Variants in RAP1GAP observed in about 807,000 individuals in gnomAD.
The protein encoded by RAP1GAP is rap1 GTPase-activating protein 1.
In RAP1GAP, 35 loss-of-function variants were observed where a neutral mutation model predicts 87.2. That is an observed-to-expected ratio of 0.40 (90% CI 0.31 to 0.53). The LOEUF is 0.53. Ranked by LOEUF, RAP1GAP falls within the 20% of genes least tolerant of loss-of-function variation. The pLI is 0.48. For missense variants in RAP1GAP, 734 were observed against 898.9 expected, an observed-to-expected ratio of 0.82 and a Z score of 2.35; for synonymous variants, 375 against 363.9, an observed-to-expected ratio of 1.03 and a Z score of -0.35.
chr1:21,602,888 G>T lies in RAP1GAP; in HGVS notation c.1454C>A (p.Pro485His). Residue 485 changes from proline (P) to histidine (H), a missense_variant, in exon 19 of 25, where the codon CCC becomes CAC. Physicochemically the swap from Pro to His is moderately conservative, Grantham distance 77 (BLOSUM62 -2). Coordinates refer to ENST00000374765, the MANE Select transcript of RAP1GAP (RefSeq NM_002885.4). ...GAACGGGCCCGACTTCTTCCTCGTGGGGCTCTTCCCAGGGACAATCAGTGA... is the reference window on the plus strand; with the variant it reads ...GAACGGGCCCGACTTCTTCCTCGTGTGGCTCTTCCCAGGGACAATCAGTGA... ...GISLIVPGKS[P>H]TRKKSGPFGS... is the part of the protein sequence containing the mutation. 6.2e-7 allele frequency: 1 copy of T among 1,610,352 alleles called. No homozygotes were observed.
At chr1:21,632,587 G>C (rs1336523556) in intron 2 of RAP1GAP, among the ~76,000 whole-genome samples, 2 of 152,196 alleles carry the variant, frequency 1.3e-5, no homozygotes, top group African/African-American at 2.4e-5. Flanking sequence ...GATCTCAAGA[G>C]AGTTCCATAC....
chr1:21,613,015 G>T lies in RAP1GAP; in HGVS notation c.528+161C>A. The T allele has an allele frequency of 1.3e-6, 1 of 772,368 alleles. No individual in the cohort carries two copies. Among genetic ancestry groups the T allele is most frequent in the Non-Finnish European group, 2.2e-6 (1 of 455,178 alleles). The allele number at this position is 772,368 out of a possible 1,614,324, so 47.8% of individuals were successfully genotyped here. A position where few individuals can be genotyped will look rare whatever the true frequency, so the allele number is the denominator to read the frequency against. ...CCTGGGGGAAGGCACAGGCCCTTTC[G>T]GTGGCTCCTCTTCTGCAAATTGTGG... On this transcript the variant is annotated intron_variant, in intron 10 of 24. Coordinates refer to ENST00000374765, the MANE Select transcript of RAP1GAP (RefSeq NM_002885.4). This position sits in a 1 kb window ranked among gnomAD's most constrained non-coding sequence, Gnocchi z 4.7.
At position 21,617,492 on chromosome 1, in the gene RAP1GAP, C is replaced by T. The variant is rs1482820997; in HGVS notation, c.106-1G>A. The T allele has an allele frequency of 6.3e-7, 1 of 1,592,646 alleles. No individual in the cohort carries two copies. On this transcript the variant is annotated splice_acceptor_variant, in intron 6 of 24. Transcript: ENST00000374765. LOFTEE classifies it high-confidence loss of function. ...GGAAGGGTCCTTCTCGCCCCAAGAC[C>T]TGAAGAGGGACTCAGCTGAGAGCCA...
intron 22 of RAP1GAP, 109 bp downstream of exon 22, chr1:21,598,291 G>T: frequency 9.5e-7 from 1 of 1,055,256 alleles, no homozygotes. Context: ...CAAGTCAGGG[G>T]CAGTCACATC....
In RAP1GAP at chr1:21,613,275, G is replaced by A. The variant is rs199635648; in HGVS notation, c.475-46C>T. 1,469 of 1,501,812 alleles carry A rather than the reference G, an allele frequency of 9.8e-4. No homozygotes were observed. The highest frequency in any genetic ancestry group is 1.2e-3 in the Middle Eastern group (7 of 5,858). 93.0% of individuals were successfully genotyped at this position (1,501,812 alleles called of 1,614,324 possible). Reference sequence around the variant, plus strand: ...GGGGTGTGAGGTGTGGGGCCAGGGAGGAGAGGATGGGGCTGCCTGGGCCTC... The same window carrying A: ...GGGGTGTGAGGTGTGGGGCCAGGGAAGAGAGGATGGGGCTGCCTGGGCCTC... On this transcript the variant is annotated intron_variant, in intron 9 of 24. Transcript: ENST00000374765. The surrounding 1 kb of genome is among the most constrained non-coding windows in gnomAD (Gnocchi z 4.7).
chr1:21,610,339 C>T, intron 13 of RAP1GAP, 64 bp from the exon 14 acceptor site: 2 of 1,583,806 alleles, frequency 1.3e-6, no homozygotes, highest in Non-Finnish European at 1.7e-6. Context: ...AGAGGGGTGC[C>T]CACGGGGGTT....
At chr1:21,620,453 G>A (rs1266413438) in intron 3 of RAP1GAP, among the ~76,000 whole-genome samples, 1 of 152,216 alleles carries the variant, frequency 6.6e-6, no homozygotes, top group African/African-American at 2.4e-5. Flanking sequence ...CCAGGCTCAG[G>A]CCACAGCCCA....
intron 1 of RAP1GAP, among the ~76,000 whole-genome samples, chr1:21,653,543 ACTTCCTTCCTTCCTTC>A (rs71569840): frequency 1.1e-3 from 136 of 124,158 alleles, no homozygotes; most frequent in African/African-American, 3.7e-3. Flanking sequence ...GAAGGGAGGA[ACTTCCTTCCTTCCTTC>A]CTTCCTTCCT....
rs1257653688 is a variant in RAP1GAP, at chr1:21,598,612, C to T, written c.1777-110G>A. 2.4e-5 allele frequency: 22 copies of T among 924,676 alleles called. 1 individual carries two copies. Among genetic ancestry groups the T allele is most frequent in the Admixed American group, 2.3e-4 (11 of 47,150 alleles). 57.3% of individuals were successfully genotyped at this position (924,676 alleles called of 1,614,324 possible). On this transcript the variant is annotated intron_variant, in intron 21 of 24. Transcript: ENST00000374765. ...TGCATTCCACAACCCCCCACCCGTA[C>T]CCTCTGCGAGGAGGACGGGCCTAGC...
At chr1:21,665,487 C>T (rs912672751) in intron 1 of RAP1GAP, among the ~76,000 whole-genome samples, 10 of 152,178 alleles carry the variant, frequency 6.6e-5, no homozygotes, top group Admixed American at 5.9e-4. Context: ...AGTAGGCACA[C>T]GAGGCTGCTC....
intron 2 of RAP1GAP, among the ~76,000 whole-genome samples, chr1:21,633,346 C>T (rs2094132711): frequency 6.6e-6 from 1 of 152,200 alleles, no homozygotes. Context: ...CCTCCCCAGG[C>T]TGCAGGCAGC....
intron 22 of RAP1GAP, 83 bp downstream of exon 22, chr1:21,598,317 G>T: frequency 7.9e-7 from 1 of 1,266,496 alleles, no homozygotes; most frequent in Non-Finnish European, 1.1e-6. Context: ...CACTGCATGG[G>T]GCATGGGAAC....
intron 1 of RAP1GAP, chr1:21,652,049 C>T (rs1262714952): frequency 7.5e-5 from 13 of 172,568 alleles, no homozygotes; most frequent in South Asian, 3.8e-4. Flanking sequence ...ACTTTCCGAG[C>T]CGGGCCCAGC....
intron 2 of RAP1GAP, 69 bp downstream of exon 2, chr1:21,649,692 A>G: frequency 6.7e-7 from 1 of 1,488,522 alleles, no homozygotes; most frequent in Middle Eastern, 1.7e-4. Flanking sequence ...AGGGGTAGGA[A>G]TGGATTGGGG....
Position 21,613,597 on chromosome 1 carries a change from C to G in RAP1GAP, c.474+31G>C, listed in dbSNP as rs1483727001. 1 of 1,583,216 alleles carries G rather than the reference C, an allele frequency of 6.3e-7. No individual in the cohort carries two copies. On this transcript the variant is annotated intron_variant, in intron 9 of 24. Coordinates refer to ENST00000374765, the MANE Select transcript of RAP1GAP (RefSeq NM_002885.4). This position sits in a 1 kb window ranked among gnomAD's most constrained non-coding sequence, Gnocchi z 4.7. Reference sequence around the variant, plus strand: ...CACAGGTGCCCATCTGCGGAGCCAGCCCGGGAAGCTCAGCGGAGCGGAGAC... The same window carrying G: ...CACAGGTGCCCATCTGCGGAGCCAGGCCGGGAAGCTCAGCGGAGCGGAGAC...
intron 1 of RAP1GAP, among the ~76,000 whole-genome samples, chr1:21,661,489 G>T (rs553813919): frequency 6.6e-6 from 1 of 152,252 alleles, no homozygotes; most frequent in South Asian, 2.1e-4. Context: ...TATACATAAG[G>T]CCTGGCATCA....
rs1645804159 is a variant in RAP1GAP at position 21,597,592 on chromosome 1, A to G, written c.*34+94T>C. 5.3e-5 allele frequency: 68 copies of G among 1,285,680 alleles called. No individual in the cohort carries two copies. The South Asian group carries it at 9.7e-4, about 18-fold the overall frequency. 79.6% of individuals were successfully genotyped at this position (1,285,680 alleles called of 1,614,324 possible). ...AACCCAGATACATAGCTCCCACCCC[A>G]GAGAGGTGACAGAAGAACAGGGAGG... On this transcript the variant is annotated intron_variant, in intron 24 of 24. Coordinates refer to ENST00000374765, the MANE Select transcript of RAP1GAP (RefSeq NM_002885.4).
intron 3 of RAP1GAP, among the ~76,000 whole-genome samples, chr1:21,624,213 C>T (rs944634323): frequency 1.3e-5 from 2 of 152,112 alleles, no homozygotes; most frequent in Non-Finnish European, 2.9e-5. Flanking sequence ...CTGGGTAGCT[C>T]GATGCCTGTA....
At position 21,613,747 on chromosome 1, in the gene RAP1GAP, G is replaced by C. The variant is rs753522487; in HGVS notation, c.396-41C>G. 6.4e-7 allele frequency: 1 copy of C among 1,564,786 alleles called. No homozygotes were observed. Among genetic ancestry groups the C allele is most frequent in the East Asian group, 2.2e-5 (1 of 44,638 alleles). On this transcript the variant is annotated intron_variant, in intron 8 of 24. Transcript: ENST00000374765. This position sits in a 1 kb window ranked among gnomAD's most constrained non-coding sequence, Gnocchi z 4.7. Reference sequence around the variant, plus strand: ...CACACGATGAAGGCCTGGGCAGCAGGACAGGAAAATGGGAACCCCACCCCC... The same window carrying C: ...CACACGATGAAGGCCTGGGCAGCAGCACAGGAAAATGGGAACCCCACCCCC...
Sources: gnomAD v4.1 joint callset for allele counts (sites outside exome capture counted in the v4.1 genomes callset) on GRCh38, gnomAD v4.1.1 for gene constraint, Gnocchi (gnomAD v3.1) non-coding constraint, MANE v1.5 for transcripts, NCBI Gene and HGNC (gene_info 2026-07-23, HGNC 2026-07-21) for gene names.